The following NAA25 variants were observed in gnomAD, a reference collection of about 807,000 sequenced individuals.
The protein encoded by NAA25 is N-terminal acetyltransferase B complex subunit NAA25.
Under a neutral mutation model 132.5 loss-of-function variants are expected in NAA25, and 30 were observed. The ratio of observed to expected loss-of-function variants is 0.23; its 90% CI spans 0.17 to 0.31. NAA25 has a LOEUF of 0.31. Ranked by LOEUF, NAA25 falls within the 10% of genes least tolerant of loss-of-function variation. The pLI is 1.00. For missense variants in NAA25, 771 were observed against 1,150.4 expected (o/e 0.67, Z 4.77); for synonymous variants, 359 against 401.9 (o/e 0.89, Z 1.28).
chr12:112,043,780 C>G lies in NAA25; in HGVS notation c.2095G>C (p.Gly699Arg). 1 of 1,614,166 alleles carries G rather than the reference C, an allele frequency of 6.2e-7. No individual in the cohort carries two copies. Among genetic ancestry groups the G allele is most frequent in the Non-Finnish European group, 8.5e-7 (1 of 1,180,030 alleles). Residue 699 changes from glycine to arginine, a missense_variant, in exon 18 of 24, where the codon GGA becomes CGA. Physicochemically the swap from Gly to Arg is moderately radical, Grantham distance 125 (BLOSUM62 -2). This residue lies in a region of NAA25 where 324 missense variants were observed against 400.0 expected (regional missense o/e 0.81). Transcript: ENST00000261745. The part of the protein sequence containing the change: ...IRSLTLRLIS[G>R]LPSLNHPVEP... ...ACAGGGTGGTTGAGACTTGGAAGTC[C>G]ACTTATCAGCCTCAATGTTAAGGAT... is the stretch of plus-strand genomic sequence containing the variant.
At chr12:112,069,118 T>A (rs1053503659) in intron 10 of NAA25, 126 bp from the exon 11 acceptor site, 1 of 621,520 alleles carries the variant, frequency 1.6e-6, no homozygotes, top group African/African-American at 1.8e-5. Context: ...GGTCCCAAGA[T>A]AGCGGGTTAT....
chr12:112,082,202 C>T (rs369814182), intron 4 of NAA25, among the ~76,000 whole-genome samples: 2 of 152,042 alleles, frequency 1.3e-5, no homozygotes, highest in South Asian at 4.1e-4. Context: ...GAGCAGAGAT[C>T]GTGCCACTGC....
chr12:112,048,256 C>A lies in NAA25; in HGVS notation c.1880+36G>T, dbSNP rs757028663. 6 of 1,591,752 alleles carry A rather than the reference C, an allele frequency of 3.8e-6. No individual in the cohort carries two copies. In the East Asian group the frequency reaches 1.1e-4, roughly 30 times the overall value. ...AATGGCTCTTAACAACTGATCTAATCCCTTAGTTCCTTTATAGCTCTCATG... is the reference window on the plus strand; with the variant it reads ...AATGGCTCTTAACAACTGATCTAATACCTTAGTTCCTTTATAGCTCTCATG... On this transcript the variant is annotated intron_variant, in intron 16 of 23. Transcript: ENST00000261745.
In NAA25 at chr12:112,093,104, T is replaced by C. The variant is rs1318180691; in HGVS notation, c.91A>G (p.Ile31Val). The change falls in exon 2 of 24, where the codon ATT becomes GTT. Residue 31 changes from isoleucine (I) to valine (V), a missense_variant. Transcript: ENST00000261745. Reference sequence around the variant, plus strand: ...TTCAACAGTTTATCTGCTTGCTGAATTGCCATTTTATTATTACCATTGTCA... The same window carrying C: ...TTCAACAGTTTATCTGCTTGCTGAACTGCCATTTTATTATTACCATTGTCA... Reference protein sequence around the residue: ...YLDNGNNKMAIQQADKLLKKH... With the variant: ...YLDNGNNKMAVQQADKLLKKH... 1 of 1,612,112 alleles carries C rather than the reference T, an allele frequency of 6.2e-7. No individual in the cohort carries two copies. Among genetic ancestry groups the C allele is most frequent in the African/African-American group, 1.3e-5 (1 of 74,890 alleles).
In NAA25 at chr12:112,074,790, C is replaced by T. The variant is rs758305682; in HGVS notation, c.777-26G>A. 1.5e-5 allele frequency: 22 copies of T among 1,435,244 alleles called. No homozygotes were observed. The East Asian group carries it at 4.6e-4, about 30-fold the overall frequency. 88.9% of individuals were successfully genotyped at this position (1,435,244 alleles called of 1,614,324 possible). A position where few individuals can be genotyped will look rare whatever the true frequency, so the allele number is the denominator to read the frequency against. On this transcript the variant is annotated intron_variant, in intron 8 of 23. Coordinates refer to ENST00000261745, the MANE Select transcript of NAA25 (RefSeq NM_024953.4). ...CTAAAATCAGATTGAATGATGCACA[C>T]AGGATTAAACCCAAGTTGTGACAGA...
chr12:112,085,502 T>C (rs1310485002), intron 4 of NAA25, among the ~76,000 whole-genome samples: 1 of 152,116 alleles, frequency 6.6e-6, no homozygotes, highest in Non-Finnish European at 1.5e-5. Flanking sequence ...TCAATTAACA[T>C]ATACTAGGAA....
chr12:112,100,809 C>T (rs941992608), intron 1 of NAA25, among the ~76,000 whole-genome samples: 2 of 151,452 alleles, frequency 1.3e-5, no homozygotes, highest in South Asian at 2.1e-4. Context: ...TTAGTGGAGA[C>T]GGGGTTTCAC....
intron 4 of NAA25, among the ~76,000 whole-genome samples, chr12:112,085,045 C>T (rs2079025870): frequency 1.3e-5 from 2 of 152,162 alleles, no homozygotes; most frequent in Admixed American, 1.3e-4. Flanking sequence ...GCCTGACCAA[C>T]ATGGTGAAAC....
intron 17 of NAA25, 121 bp from the exon 18 acceptor site, chr12:112,043,989 ACT>A: frequency 9.3e-6 from 9 of 968,124 alleles, no homozygotes; most frequent in Non-Finnish European, 1.3e-5. Context: ...GTGCAGTGGC[ACT>A]ATCTCTGCTC....
chr12:112,042,260 T>C (rs2078310584), intron 19 of NAA25, 156 bp from the exon 20 acceptor site: 1 of 365,378 alleles, frequency 2.7e-6, no homozygotes, highest in Non-Finnish European at 4.8e-6. Flanking sequence ...AAAAAGAAAA[T>C]GATAATGAAA....
intron 13 of NAA25, among the ~76,000 whole-genome samples, chr12:112,060,009 A>G (rs1326508532): frequency 1.3e-5 from 2 of 151,886 alleles, no homozygotes; most frequent in African/African-American, 4.8e-5. Flanking sequence ...AGTTTTTTGC[A>G]TTTTGGCCAG....
intron 3 of NAA25, among the ~76,000 whole-genome samples, chr12:112,088,317 G>GTTTTTTTT (rs1025838850): frequency 2.6e-5 from 2 of 75,598 alleles, no homozygotes; most frequent in African/African-American, 5.7e-5. Flanking sequence ...GTATATTGTA[G>GTTTTTTTT]TTTTTTTTTT....
At chr12:112,041,084 G>A (rs1565999045) in intron 20 of NAA25, among the ~76,000 whole-genome samples, 1 of 151,858 alleles carries the variant, frequency 6.6e-6, no homozygotes, top group Non-Finnish European at 1.5e-5. Flanking sequence ...AGGAGGCTGA[G>A]GTAGAAGGAT....
chr12:112,040,245 A>C (rs2078283401), intron 21 of NAA25: 1 of 353,818 alleles, frequency 2.8e-6, no homozygotes, highest in South Asian at 5.0e-5. Flanking sequence ...GGAAGTTTAG[A>C]GATGAGTACA....
chr12:112,076,660 T>C (rs1030549655), intron 7 of NAA25, among the ~76,000 whole-genome samples: 3 of 151,602 alleles, frequency 2.0e-5, no homozygotes, highest in Non-Finnish European at 4.4e-5. Flanking sequence ...CTGTTGAGAA[T>C]CTAACTTTTT....
chr12:112,103,075 C>T (rs1243494486), intron 1 of NAA25, among the ~76,000 whole-genome samples: 1 of 152,216 alleles, frequency 6.6e-6, no homozygotes, highest in Non-Finnish European at 1.5e-5. Flanking sequence ...CAGCCTCCGC[C>T]TCCCGGGTTC....
chr12:112,053,821 T>TAAA (rs4041251), intron 14 of NAA25, among the ~76,000 whole-genome samples, 164 bp from the exon 15 acceptor site: 2,364 of 114,264 alleles, frequency 0.021, 92 homozygotes, highest in African/African-American at 0.071. Flanking sequence ...AGTTAAAATT[T>TAAA]AAAAAAAAAA....
In NAA25 at chr12:112,078,718, G is replaced by C; in HGVS notation, c.501C>G (p.Asn167Lys). The C allele has an allele frequency of 6.2e-7, 1 of 1,613,466 alleles. No homozygotes were observed. The change falls in exon 6 of 24, where the codon AAC (asparagine) becomes AAG (lysine). Residue 167 changes from asparagine to lysine, a missense_variant. By Grantham distance (94) the Asn-to-Lys change is moderately conservative (BLOSUM62 0). Coordinates refer to ENST00000261745, the MANE Select transcript of NAA25 (RefSeq NM_024953.4). ...IMQSISAQDE[N>K]LSKTMFLPLA... ...GGGGCAGAAACATTGTTTTTGAGAG[G>C]TTTTCATCCTGTGCCGATATAGACT...
At chr12:112,071,258 T>G (rs937508910) in intron 10 of NAA25, among the ~76,000 whole-genome samples, 2 of 152,198 alleles carry the variant, frequency 1.3e-5, no homozygotes, top group African/African-American at 2.4e-5. Context: ...TGAGCTCAGG[T>G]GTTCCGCCCA....
Sources: gnomAD v4.1 joint callset for allele counts (sites outside exome capture counted in the v4.1 genomes callset) on GRCh38, gnomAD v4.1.1 for gene constraint, gnomAD v4.1.1 regional missense constraint, MANE v1.5 for transcripts, NCBI Gene and HGNC (gene_info 2026-07-23, HGNC 2026-07-21) for gene names.